Variants in CCSER1 observed in about 807,000 individuals in gnomAD.
CCSER1 encodes serine-rich coiled-coil domain-containing protein 1.
In CCSER1, 41 loss-of-function variants were observed where a neutral mutation model predicts 82.0. The ratio of observed to expected loss-of-function variants is 0.50; its 90% confidence interval spans 0.39 to 0.65. The LOEUF is 0.65. CCSER1 is among the 30% of genes least tolerant of loss of function. The probability of loss-of-function intolerance (pLI) is 0.00; values close to 1 mark genes in which losing one functional copy is unlikely to be tolerated. For synonymous variants in CCSER1, 414 were observed against 383.9 expected (o/e 1.08, Z -0.92); for missense variants, 1,119 against 1,064.2 (o/e 1.05, Z -0.72).
intron 10 of CCSER1, among the ~76,000 whole-genome samples, chr4:91,313,093 C>G (rs2149255597): frequency 6.6e-6 from 1 of 151,946 alleles, no homozygotes; most frequent in East Asian, 1.9e-4. Flanking sequence ...CAAGTCTATA[C>G]ATAACACATT....
intron 6 of CCSER1, among the ~76,000 whole-genome samples, chr4:90,710,650 T>A (rs1389531235): frequency 6.6e-6 from 1 of 151,982 alleles, no homozygotes; most frequent in Non-Finnish European, 1.5e-5. Context: ...ACATGTGTGA[T>A]CTTATTTTTG....
chr4:90,594,510 A>G (rs1215072959), intron 5 of CCSER1, among the ~76,000 whole-genome samples: 1 of 152,100 alleles, frequency 6.6e-6, no homozygotes. Flanking sequence ...ATACCTTTCT[A>G]CCACTATAGT....
At chr4:90,840,203 T>TTC (rs1762404039) in intron 8 of CCSER1, among the ~76,000 whole-genome samples, 1 of 152,140 alleles carries the variant, frequency 6.6e-6, no homozygotes, top group South Asian at 2.1e-4. Context: ...GAGAAAAATT[T>TTC]TAAATAGTTC....
intron 10 of CCSER1, among the ~76,000 whole-genome samples, chr4:91,460,052 G>C (rs1163420484): frequency 1.3e-5 from 2 of 152,172 alleles, no homozygotes; most frequent in Non-Finnish European, 2.9e-5. Context: ...CTCAAAGGTA[G>C]AGTAAGCATC....
chr4:90,977,863 A>G (rs2060954667), intron 9 of CCSER1, among the ~76,000 whole-genome samples: 1 of 151,654 alleles, frequency 6.6e-6, no homozygotes, highest in African/African-American at 2.4e-5. Flanking sequence ...ATTCACTTAG[A>G]TATTATTTTC....
At chr4:90,551,702 C>CTATATATA (rs1279660129) in intron 5 of CCSER1, among the ~76,000 whole-genome samples, 33 of 113,990 alleles carry the variant, frequency 2.9e-4, no homozygotes, top group South Asian at 1.9e-3. Flanking sequence ...CTCTCTCTCT[C>CTATATATA]TCTCTATATA....
chr4:90,248,176 A>G (rs1246819623), intron 1 of CCSER1, among the ~76,000 whole-genome samples: 1 of 152,202 alleles, frequency 6.6e-6, no homozygotes, highest in Non-Finnish European at 1.5e-5. Context: ...TTGGTAAAGG[A>G]CTTTAGAAAC....
At chr4:90,583,074 CAAATT>C (rs1378987054) in intron 5 of CCSER1, among the ~76,000 whole-genome samples, 1 of 152,118 alleles carries the variant, frequency 6.6e-6, no homozygotes, top group African/African-American at 2.4e-5. Flanking sequence ...TATTTTACCT[CAAATT>C]AACCACACCT....
At chr4:91,169,201 TAAAAAAAAAA>T (rs57715555) in intron 10 of CCSER1, among the ~76,000 whole-genome samples, 1 of 123,008 alleles carries the variant, frequency 8.1e-6, no homozygotes, top group African/African-American at 3.1e-5. Context: ...CAATAAATAC[TAAAAAAAAAA>T]AAAAAAAAAG....
intron 6 of CCSER1, among the ~76,000 whole-genome samples, chr4:90,711,699 A>G (rs1219240034): frequency 3.3e-5 from 5 of 150,528 alleles, no homozygotes; most frequent in Non-Finnish European, 7.4e-5. Flanking sequence ...CATGGTGGAT[A>G]AACGTTTTGA....
At chr4:90,937,212 G>A (rs1731047866) in intron 9 of CCSER1, among the ~76,000 whole-genome samples, 2 of 152,126 alleles carry the variant, frequency 1.3e-5, no homozygotes, top group Admixed American at 6.6e-5. Flanking sequence ...GAGCCATCAG[G>A]GAAGATGGTT....
At chr4:91,323,663 T>C (rs1036554454) in intron 10 of CCSER1, among the ~76,000 whole-genome samples, 1 of 152,216 alleles carries the variant, frequency 6.6e-6, no homozygotes, top group African/African-American at 2.4e-5. Context: ...TTATCCCTCA[T>C]TTAAACTTTG....
chr4:90,618,729 A>G (rs920289387), intron 5 of CCSER1, among the ~76,000 whole-genome samples: 4 of 151,972 alleles, frequency 2.6e-5, no homozygotes, highest in African/African-American at 4.8e-5. Context: ...ATGTATTTTC[A>G]TAATAAATGA....
chr4:90,811,965 T>C (rs1453303487), intron 7 of CCSER1, among the ~76,000 whole-genome samples: 6 of 118,810 alleles, frequency 5.1e-5, no homozygotes, highest in Non-Finnish European at 1.1e-4. Flanking sequence ...CACATATATA[T>C]ACACATATAT....
chr4:90,410,436 C>A (rs113290371), intron 4 of CCSER1, among the ~76,000 whole-genome samples: 119 of 152,236 alleles, frequency 7.8e-4, no homozygotes, highest in African/African-American at 2.8e-3. Flanking sequence ...ACTGTCTCTC[C>A]GACCACAGTG....
At chr4:90,402,241 G>A (rs1386153702) in intron 4 of CCSER1, among the ~76,000 whole-genome samples, 1 of 152,198 alleles carries the variant, frequency 6.6e-6, no homozygotes, top group Non-Finnish European at 1.5e-5. Context: ...TAGGTTAAAA[G>A]AGGCAAATGC....
chr4:90,856,293 T>C (rs1764455907), intron 8 of CCSER1, among the ~76,000 whole-genome samples: 1 of 150,748 alleles, frequency 6.6e-6, no homozygotes, highest in South Asian at 2.1e-4. Context: ...ACTTATAAAT[T>C]GTTATTGCTG....
At chr4:90,243,745 A>G (rs1275523958) in intron 1 of CCSER1, among the ~76,000 whole-genome samples, 1 of 152,162 alleles carries the variant, frequency 6.6e-6, no homozygotes, top group Non-Finnish European at 1.5e-5. Context: ...GTTTTTCCCT[A>G]AAGTGCATAC....
intron 10 of CCSER1, among the ~76,000 whole-genome samples, chr4:91,514,223 A>C (rs944854314): frequency 6.6e-6 from 1 of 152,298 alleles, no homozygotes; most frequent in South Asian, 2.1e-4. Flanking sequence ...CCCAAAAGTA[A>C]TTCAGAAGCA....
Sources: gnomAD v4.1 joint callset for allele counts (sites outside exome capture counted in the v4.1 genomes callset) on GRCh38, gnomAD v4.1.1 for gene constraint, MANE v1.5 for transcripts, NCBI Gene and HGNC (gene_info 2026-07-23, HGNC 2026-07-21) for gene names.